The following TMEM117 variants were observed in gnomAD, a reference collection of about 807,000 sequenced individuals.
The protein encoded by TMEM117 is transmembrane protein 117.
TMEM117 carries 27 observed loss-of-function variants against 52.4 expected under a neutral mutation model. The observed-to-expected ratio is 0.51, with a 90% CI of 0.38 to 0.71. The LOEUF is 0.71. Among genes scored for constraint, TMEM117 ranks in the 30% least tolerant of loss-of-function variants. The pLI, the probability that TMEM117 is intolerant of heterozygous loss-of-function variation, is 0.00. For missense variants in TMEM117, 556 were observed against 630.5 expected (o/e 0.88, Z 1.26); for synonymous variants, 215 against 206.3 (o/e 1.04, Z -0.36).
At chr12:43,947,758 A>C (rs1462393944) in intron 3 of TMEM117, among the ~76,000 whole-genome samples, 1 of 152,210 alleles carries the variant, frequency 6.6e-6, no homozygotes, top group Non-Finnish European at 1.5e-5. Flanking sequence ...AATTATTTCC[A>C]AAACAGTTTC....
chr12:44,079,624 G>C (rs1441415558), intron 3 of TMEM117, among the ~76,000 whole-genome samples: 1 of 152,004 alleles, frequency 6.6e-6, no homozygotes, highest in African/African-American at 2.4e-5. Flanking sequence ...AGATATTTTA[G>C]ATAAGGCAGA....
chr12:44,008,857 A>G (rs1946244731), intron 3 of TMEM117: 4 of 443,586 alleles, frequency 9.0e-6, no homozygotes, highest in South Asian at 3.7e-5. Flanking sequence ...GATTTGTGTC[A>G]TGACTAAAGC....
Position 44,261,066 on chromosome 12 carries a change from G to A in TMEM117, c.609-38514G>A, listed in dbSNP as rs117019105. ...TTTAAAATAGATTTTAAAATTGTGA[G>A]TATATACAAGTTACATTAATGCGTA... On this transcript the variant is annotated intron_variant, in intron 5 of 7. Transcript: ENST00000266534. Among the ~76,000 whole-genome samples, 819 of 152,166 alleles carry A rather than the reference G, an allele frequency of 5.4e-3. 4 individuals carry two copies. Among genetic ancestry groups the A allele is most frequent in the Non-Finnish European group, 9.2e-3 (627 of 68,006 alleles).
intron 5 of TMEM117, among the ~76,000 whole-genome samples, chr12:44,296,337 G>C (rs80322329): frequency 0.047 from 7,157 of 152,232 alleles, 348 homozygotes; most frequent in African/African-American, 0.12. Context: ...AACTGAGTTA[G>C]AGAGTGTGCT....
At chr12:44,023,036 C>T (rs1217333622) in intron 3 of TMEM117, among the ~76,000 whole-genome samples, 1 of 152,166 alleles carries the variant, frequency 6.6e-6, no homozygotes, top group Non-Finnish European at 1.5e-5. Context: ...GAACCCAGCC[C>T]TCTTAACAGA....
At position 43,944,193 on chromosome 12, in the gene TMEM117, T is replaced by C; in HGVS notation, c.278-17T>C. ...AGTTACAGTGTACATTAATTTTTAA[T>C]AATATTTGTATTTCAGGTCAGTTGC... On this transcript the variant is annotated splice_polypyrimidine_tract_variant and intron_variant, in intron 2 of 7. Coordinates refer to ENST00000266534, the MANE Select transcript of TMEM117 (RefSeq NM_032256.3). 1.3e-6 allele frequency: 2 copies of C among 1,599,190 alleles called. No individual in the cohort carries two copies. The highest frequency in any genetic ancestry group is 2.3e-5 in the South Asian group (2 of 88,016).
intron 3 of TMEM117, among the ~76,000 whole-genome samples, chr12:43,987,742 C>G (rs1363193172): frequency 2.0e-5 from 3 of 151,916 alleles, no homozygotes; most frequent in Non-Finnish European, 4.4e-5. Context: ...CATATTTATC[C>G]CTATAAAATA....
chr12:44,245,516 A>ATCT (rs1950117627), intron 5 of TMEM117, among the ~76,000 whole-genome samples: 1 of 151,878 alleles, frequency 6.6e-6, no homozygotes, highest in Non-Finnish European at 1.5e-5. Flanking sequence ...TAGCATGCAG[A>ATCT]AATGTTACTA....
intron 5 of TMEM117, among the ~76,000 whole-genome samples, chr12:44,223,853 C>T (rs1410090496): frequency 1.3e-5 from 2 of 152,126 alleles, no homozygotes; most frequent in Non-Finnish European, 2.9e-5. Flanking sequence ...ACCAAAGCTG[C>T]CAAGAGAAGC....
chr12:44,335,730 C>G (rs1951332940), intron 6 of TMEM117, among the ~76,000 whole-genome samples: 1 of 151,866 alleles, frequency 6.6e-6, no homozygotes, highest in Admixed American at 6.6e-5. Context: ...AAAATATATA[C>G]CTGTTTGTAA....
At chr12:44,390,192 C>T (rs926144330), downstream of TMEM117, among the ~76,000 whole-genome samples, 11 of 140,780 alleles carry the variant, frequency 7.8e-5, no homozygotes, top group Non-Finnish European at 1.7e-4. Context: ...GAATCATAAA[C>T]ATATCTGACA....
At chr12:43,888,958 G>A (rs1944050722) in intron 2 of TMEM117, among the ~76,000 whole-genome samples, 1 of 152,168 alleles carries the variant, frequency 6.6e-6, no homozygotes, top group Non-Finnish European at 1.5e-5. Flanking sequence ...ATGTTGATCA[G>A]CGGTCCCCAA....
chr12:44,273,746 C>T (rs1414641437), intron 5 of TMEM117, among the ~76,000 whole-genome samples: 1 of 152,026 alleles, frequency 6.6e-6, no homozygotes, highest in African/African-American at 2.4e-5. Flanking sequence ...GCTGAAAATG[C>T]ATTTGATAAA....
chr12:43,958,906 A>G (rs1342717992), intron 3 of TMEM117, among the ~76,000 whole-genome samples: 1 of 151,998 alleles, frequency 6.6e-6, no homozygotes, highest in African/African-American at 2.4e-5. Context: ...TCCCGGGTTC[A>G]CGCCATTCTC....
intron 6 of TMEM117, among the ~76,000 whole-genome samples, chr12:44,337,894 G>A (rs1382094672): frequency 6.6e-6 from 1 of 152,018 alleles, no homozygotes; most frequent in Non-Finnish European, 1.5e-5. Context: ...TCTTTCCATT[G>A]CAAACTGTAG....
chr12:43,953,629 A>C (rs976689270), intron 3 of TMEM117, among the ~76,000 whole-genome samples: 1 of 152,224 alleles, frequency 6.6e-6, no homozygotes, highest in Non-Finnish European at 1.5e-5. Context: ...CACCCAATAC[A>C]GGAGCACCCA....
the TMEM117 span, among the ~76,000 whole-genome samples, chr12:43,814,661 C>A: frequency 6.6e-6 from 1 of 151,806 alleles, no homozygotes; most frequent in Non-Finnish European, 1.5e-5. Flanking sequence ...AATGGCTGAC[C>A]AAGGCTGTTC....
the TMEM117 span, among the ~76,000 whole-genome samples, chr12:44,396,185 C>G: frequency 1.3e-5 from 2 of 152,102 alleles, no homozygotes; most frequent in African/African-American, 4.8e-5. Flanking sequence ...ACTGACAGCT[C>G]TCCATTGCAT....
chr12:44,154,692 A>G (rs1191277571), intron 4 of TMEM117, among the ~76,000 whole-genome samples: 2 of 151,818 alleles, frequency 1.3e-5, no homozygotes, highest in African/African-American at 2.4e-5. Flanking sequence ...AAAAAAAAAG[A>G]AGGCATTTTA....
Sources: gnomAD v4.1 joint callset for allele counts (sites outside exome capture counted in the v4.1 genomes callset) on GRCh38, gnomAD v4.1.1 for gene constraint, MANE v1.5 for transcripts, NCBI Gene and HGNC (gene_info 2026-07-23, HGNC 2026-07-21) for gene names.